TACC3: variants seen among roughly 807,000 people sequenced by gnomAD.
TACC3 encodes transforming acidic coiled-coil containing protein 3.
Under a neutral mutation model 86.0 loss-of-function variants are expected in TACC3, and 52 were observed. That is an observed-to-expected ratio of 0.60 (90% CI 0.48 to 0.76). The LOEUF (loss-of-function observed/expected upper bound fraction) is 0.76. Ranked by LOEUF, TACC3 falls within the 30% of genes least tolerant of loss-of-function variation. The pLI, the probability that TACC3 is intolerant of heterozygous loss-of-function variation, is 0.00. For synonymous variants in TACC3, 512 were observed against 430.0 expected (o/e 1.19, Z -2.36); for missense variants, 1,120 against 1,070.4 (o/e 1.05, Z -0.65).
intron 6 of TACC3, among the ~76,000 whole-genome samples, chr4:1,734,748 G>A (rs1450945791): frequency 6.6e-6 from 1 of 151,910 alleles, no homozygotes; most frequent in Non-Finnish European, 1.5e-5. Context: ...TCAGCTCAGT[G>A]CAGCCTCCAC....
chr4:1,724,555 G>A (rs958631354), intron 3 of TACC3, among the ~76,000 whole-genome samples: 12 of 151,370 alleles, frequency 7.9e-5, no homozygotes, highest in African/African-American at 2.4e-4. Context: ...CACCACTCCC[G>A]GCTAATTTTT....
At chr4:1,731,710 A>T (rs116197870) in intron 6 of TACC3, among the ~76,000 whole-genome samples, 2,918 of 152,172 alleles carry the variant, frequency 0.019, 115 homozygotes, top group African/African-American at 0.066. Flanking sequence ...ATCTGGGTTC[A>T]ATGCAACCTC....
rs2108725932 is a variant in TACC3 at position 1,744,842 on chromosome 4, G to T, written c.2451+10G>T. ...GACAGTGGAGCAGAAGGTGGGTGCGGGAAGCCCAGCTCAAGGGGCCGTCTG... is the reference window on the plus strand; with the variant it reads ...GACAGTGGAGCAGAAGGTGGGTGCGTGAAGCCCAGCTCAAGGGGCCGTCTG... On this transcript the variant is annotated intron_variant, in intron 15 of 15. Coordinates refer to ENST00000313288, the MANE Select transcript of TACC3 (RefSeq NM_006342.3). The T allele has an allele frequency of 6.2e-7, 1 of 1,612,898 alleles. No homozygotes were observed. Among genetic ancestry groups the T allele is most frequent in the Non-Finnish European group, 8.5e-7 (1 of 1,180,014 alleles).
chr4:1,730,652 C>T (rs1457222109), intron 4 of TACC3: 3 of 662,160 alleles, frequency 4.5e-6, no homozygotes, highest in Non-Finnish European at 5.6e-6. Flanking sequence ...GAGCTCCCAG[C>T]CTGCTTCTCC....
At chr4:1,742,301 T>C (rs983773528) in intron 13 of TACC3, among the ~76,000 whole-genome samples, 1 of 152,202 alleles carries the variant, frequency 6.6e-6, no homozygotes, top group Admixed American at 6.5e-5. Flanking sequence ...ACGGTGCTGC[T>C]GGCTTGAGGA....
chr4:1,722,052 G>A (rs3134864), intron 1 of TACC3: 152,362 of 152,692 alleles, frequency 1, 76,017 homozygotes, highest in Middle Eastern at 1. Context: ...CATCTAGGCC[G>A]CCTGCGGCGG....
Position 1,723,831 on chromosome 4 carries a change from G to T in TACC3, c.266G>T (p.Gly89Val). The T allele has an allele frequency of 6.2e-7, 1 of 1,613,618 alleles. No homozygotes were observed. Among genetic ancestry groups the T allele is most frequent in the Non-Finnish European group, 8.5e-7 (1 of 1,180,008 alleles). The part of the protein sequence containing the change: ...EAPFTQDDTL[G>V]LENSHPVWTQ... ...CCTTTCACTCAGGATGACACCCTTG[G>T]ACTGGAAAACTCACACCCGGTCTGG... is the stretch of plus-strand genomic sequence containing the variant. Residue 89 changes from glycine (G) to valine (V), a missense_variant, in exon 3 of 16, where the codon GGA (glycine) becomes GTA (valine). Gly to Val is a moderately radical substitution (Grantham distance 109). Transcript: ENST00000313288.
chr4:1,743,198 A>C (rs1393995073), intron 13 of TACC3, among the ~76,000 whole-genome samples: 2 of 134,100 alleles, frequency 1.5e-5, no homozygotes, highest in African/African-American at 5.8e-5. Flanking sequence ...GGAGGTTGCA[A>C]TGAGCCAAGA....
At chr4:1,724,539 C>T (rs1262764469) in intron 3 of TACC3, among the ~76,000 whole-genome samples, 3 of 149,290 alleles carry the variant, frequency 2.0e-5, no homozygotes, top group African/African-American at 2.5e-5. Context: ...TACAGGCGCC[C>T]GCCGCCACCA....
At chr4:1,738,362 A>T (rs950357328) in intron 10 of TACC3, 1 of 188,678 alleles carries the variant, frequency 5.3e-6, no homozygotes, top group African/African-American at 2.4e-5. Context: ...CCCAGGTGTC[A>T]TCTCCGCAGA....
chr4:1,725,023 C>G (rs1216242802), intron 3 of TACC3, among the ~76,000 whole-genome samples: 5 of 150,864 alleles, frequency 3.3e-5, no homozygotes, highest in Admixed American at 2.7e-4. Context: ...CCTCCGCCTC[C>G]CAGGTTCAAA....
At chr4:1,741,130 C>G (rs562071259) in intron 13 of TACC3, 144 bp downstream of exon 13, 1 of 776,356 alleles carries the variant, frequency 1.3e-6, no homozygotes, top group Non-Finnish European at 2.1e-6. Context: ...GACCTGTGAA[C>G]GAGACAGGGT....
At position 1,728,337 on chromosome 4, in the gene TACC3, G is replaced by A. The variant is rs773428579; in HGVS notation, c.935G>A (p.Arg312Lys). The change falls in exon 4 of 16, where the codon AGG becomes AAG. Residue 312 changes from arginine to lysine, a missense_variant. Transcript: ENST00000313288. ...TAPTNHLVAGRAMTLSPQEEV... is the reference protein window; with the variant it reads ...TAPTNHLVAGKAMTLSPQEEV... ...CCAACCAACCACCTGGTGGCTGGCA[G>A]GGCCATGACCCTGAGTCCTCAGGAA... 22 of 1,613,108 alleles carry A rather than the reference G, an allele frequency of 1.4e-5. No homozygotes were observed. Among genetic ancestry groups the A allele is most frequent in the Non-Finnish European group, 1.9e-5 (22 of 1,180,038 alleles).
intron 10 of TACC3, chr4:1,739,447 G>A (rs1718454149): frequency 1.8e-6 from 1 of 562,368 alleles, no homozygotes; most frequent in Non-Finnish European, 3.2e-6. Flanking sequence ...CACACCTGTT[G>A]GGTGCCTGCT....
intron 10 of TACC3, chr4:1,737,960 G>A: frequency 1.7e-6 from 1 of 585,234 alleles, no homozygotes; most frequent in Non-Finnish European, 3.2e-6. Flanking sequence ...CCTGGGCATG[G>A]CGTTGGCCTC....
chr4:1,727,747 T>C lies in TACC3; in HGVS notation c.345T>C (p.His115=), dbSNP rs1717761146. 1.3e-6 allele frequency: 2 copies of C among 1,599,142 alleles called. No individual in the cohort carries two copies. The highest frequency in any genetic ancestry group is 1.1e-5 in the South Asian group (1 of 89,870). The change falls in exon 4 of 16, where the codon CAT becomes CAC. Residue 115 remains histidine, a synonymous_variant. Coordinates refer to ENST00000313288, the MANE Select transcript of TACC3 (RefSeq NM_006342.3). ...AGGAAGTGGATGCCAAAACTACTCA[T>C]GGAATTCTACAGAAACCAGTGGAGG... The part of the protein sequence containing the change: ...LIKEVDAKTT[H]GILQKPVEAD...
chr4:1,721,924 G>T lies in TACC3; in HGVS notation c.-2+281G>T, dbSNP rs1199663441. 2.6e-5 allele frequency: 4 copies of T among 152,402 alleles called. No individual in the cohort carries two copies. In the East Asian group the frequency reaches 5.8e-4, roughly 22 times the overall value. 9.4% of individuals were successfully genotyped at this position (152,402 alleles called of 1,614,324 possible). A position where few individuals can be genotyped will look rare whatever the true frequency, so the allele number is the denominator to read the frequency against. ...CGGAGCGGGCGCCCCGAGGTGCTTT[G>T]CTCTCCTCGACCCTCTCCTGTCTCT... is the stretch of plus-strand genomic sequence containing the variant. On this transcript the variant is annotated intron_variant, in intron 1 of 15. Transcript: ENST00000313288.
upstream of TACC3, chr4:1,720,793 G>C: frequency 6.3e-7 from 1 of 1,595,756 alleles, no homozygotes; most frequent in South Asian, 1.1e-5. This position sits in a 1 kb window ranked among gnomAD's most constrained non-coding sequence, Gnocchi z 4.4. Context: ...AGCACACGGC[G>C]AACACCAGAT....
chr4:1,730,567 G>C (rs569086736), intron 4 of TACC3: 24 of 490,628 alleles, frequency 4.9e-5, no homozygotes, highest in South Asian at 3.9e-4. Flanking sequence ...CACATTTGAA[G>C]CCTTTTGTCA....
Sources: gnomAD v4.1 joint callset for allele counts (sites outside exome capture counted in the v4.1 genomes callset) on GRCh38, gnomAD v4.1.1 for gene constraint, Gnocchi (gnomAD v3.1) non-coding constraint, MANE v1.5 for transcripts, NCBI Gene and HGNC (gene_info 2026-07-23, HGNC 2026-07-21) for gene names.